ERG: variants seen among roughly 807,000 people sequenced by gnomAD.
The protein encoded by ERG is ETS transcription factor ERG.
In ERG, 9 loss-of-function variants were observed where a neutral mutation model predicts 55.3. That is an observed-to-expected ratio of 0.16 (90% CI 0.10 to 0.28). The LOEUF (loss-of-function observed/expected upper bound fraction) is 0.28. ERG is among the 10% of genes least tolerant of loss of function. The pLI is 1.00. For missense variants in ERG, 434 were observed against 631.6 expected (o/e 0.69, Z 3.35); for synonymous variants, 223 against 237.3 (o/e 0.94, Z 0.55).
intron 9 of ERG, among the ~76,000 whole-genome samples, chr21:38,388,719 C>T (rs917179755): frequency 6.6e-6 from 1 of 152,156 alleles, no homozygotes; most frequent in African/African-American, 2.4e-5. Context: ...GCCATTTTCT[C>T]CAGGCCCATT....
rs147318880 is a variant in ERG at position 38,539,518 on chromosome 21, T to C, written c.-41+36144A>G. The stretch of plus-strand genomic sequence containing the variant: ...TACATGATTCACATCCTATGTTCAC[T>C]GTTCTAGACATATAAATATAACTTT... On this transcript the variant is annotated intron_variant, in intron 2 of 8. Coordinates refer to the ERG transcript ENST00000398897. Among the ~76,000 whole-genome samples the C allele has an allele frequency of 5.7e-3, 869 of 152,354 alleles. 7 individuals are homozygous for C. The highest frequency in any genetic ancestry group is 0.02 in the African/African-American group (823 of 41,574).
intron 2 of ERG, among the ~76,000 whole-genome samples, chr21:38,533,415 G>A (rs556673666): frequency 2.0e-5 from 3 of 152,230 alleles, no homozygotes; most frequent in South Asian, 2.1e-4. Flanking sequence ...CGTACATGCC[G>A]GGAAGGCCTG....
intron 1 of ERG, among the ~76,000 whole-genome samples, chr21:38,457,415 G>A (rs1025668945): frequency 4.1e-5 from 6 of 145,150 alleles, no homozygotes; most frequent in African/African-American, 1.5e-4. Context: ...TGGCCTGGGC[G>A]AAAGAGCAAG....
chr21:38,492,640 C>T (rs1168243872), intron 1 of ERG, among the ~76,000 whole-genome samples: 3 of 152,152 alleles, frequency 2.0e-5, no homozygotes, highest in Non-Finnish European at 4.4e-5. Context: ...ATAAATTATT[C>T]ACACTCAACA....
chr21:38,519,862 A>G (rs997973248), intron 2 of ERG, among the ~76,000 whole-genome samples: 4 of 152,178 alleles, frequency 2.6e-5, no homozygotes, highest in African/African-American at 9.7e-5. Flanking sequence ...CCACACATGT[A>G]GAAGCAGGGA....
At chr21:38,512,070 T>C (rs1161334967) in intron 2 of ERG, among the ~76,000 whole-genome samples, 4 of 152,154 alleles carry the variant, frequency 2.6e-5, no homozygotes, top group Non-Finnish European at 4.4e-5. Context: ...ATGGGATAGA[T>C]TGACCTGAAA....
chr21:38,445,174 C>T (rs1204046430), intron 2 of ERG, among the ~76,000 whole-genome samples: 1 of 141,038 alleles, frequency 7.1e-6, no homozygotes, highest in Non-Finnish European at 1.5e-5. Flanking sequence ...CAGAGTCTTG[C>T]TCTGTCGCCC....
intron 2 of ERG, among the ~76,000 whole-genome samples, chr21:38,529,638 G>A (rs2059657713): frequency 6.6e-6 from 1 of 152,160 alleles, no homozygotes. Context: ...AATATCTAAT[G>A]TTCTGATTTG....
Position 38,382,547 on chromosome 21 carries a change from C to T in ERG, c.*856G>A. On this transcript the variant is annotated 3_prime_UTR_variant, in exon 10 of 10. Transcript: ENST00000288319. Reference sequence around the variant, plus strand: ...TTACGCTGTGTCCTTTCTCCTAACACTGGGTTTGGTATAACACTGACTGCA... The same window carrying T: ...TTACGCTGTGTCCTTTCTCCTAACATTGGGTTTGGTATAACACTGACTGCA... 9.4e-7 allele frequency: 1 copy of T among 1,065,896 alleles called. No homozygotes were observed. Among genetic ancestry groups the T allele is most frequent in the Non-Finnish European group, 1.1e-6 (1 of 879,358 alleles). The allele number at this position is 1,065,896 out of a possible 1,614,324, so 66.0% of individuals were successfully genotyped here.
intron 6 of ERG, among the ~76,000 whole-genome samples, chr21:38,395,731 C>G (rs1322855969): frequency 6.6e-6 from 1 of 152,158 alleles, no homozygotes; most frequent in African/African-American, 2.4e-5. Context: ...GCAACTGTGT[C>G]GATTTCCTGG....
At chr21:38,549,269 C>G (rs1043723837) in intron 2 of ERG, among the ~76,000 whole-genome samples, 3 of 152,116 alleles carry the variant, frequency 2.0e-5, no homozygotes, top group African/African-American at 7.2e-5. Context: ...AATCATCATA[C>G]TAAAGGCATC....
At chr21:38,456,739 C>G (rs2058993414) in intron 1 of ERG, among the ~76,000 whole-genome samples, 5 of 152,180 alleles carry the variant, frequency 3.3e-5, no homozygotes, top group Admixed American at 3.3e-4. Context: ...CTTTCTTCAG[C>G]TTGGTAAGTG....
At chr21:38,520,898 G>A (rs192463284) in intron 2 of ERG, among the ~76,000 whole-genome samples, 7 of 152,236 alleles carry the variant, frequency 4.6e-5, no homozygotes, top group African/African-American at 1.2e-4. Context: ...TATATCAGAC[G>A]TGCTCATAGA....
chr21:38,408,856 T>C (rs1406413263), intron 3 of ERG, among the ~76,000 whole-genome samples: 3 of 152,140 alleles, frequency 2.0e-5, no homozygotes, highest in Non-Finnish European at 4.4e-5. Context: ...AGCCGAGGCA[T>C]CACCTTTGCC....
At chr21:38,476,127 T>A (rs1370633718) in intron 1 of ERG, among the ~76,000 whole-genome samples, 1 of 152,124 alleles carries the variant, frequency 6.6e-6, no homozygotes, top group East Asian at 1.9e-4. Flanking sequence ...TCACAGGTGC[T>A]CCCTGCCACA....
rs373956091 is a variant in ERG at position 38,522,725 on chromosome 21, G to A, written c.-41+52937C>T. Among the ~76,000 whole-genome samples, 17 of 152,154 alleles carry A rather than the reference G, an allele frequency of 1.1e-4. 2 individuals are homozygous for A. The highest frequency in any genetic ancestry group is 9.8e-4 in the Admixed American group (15 of 15,276). On this transcript the variant is annotated intron_variant, in intron 2 of 8. Transcript: ENST00000398897. ...CCAAGGTATTTAACACAGTTCAGTAGAGGTCCTGTCTCATAAATCAATTTC... is the reference window on the plus strand; with the variant it reads ...CCAAGGTATTTAACACAGTTCAGTAAAGGTCCTGTCTCATAAATCAATTTC...
intron 1 of ERG, among the ~76,000 whole-genome samples, chr21:38,660,089 G>GT (rs928789082): frequency 6.6e-6 from 1 of 152,208 alleles, no homozygotes; most frequent in Non-Finnish European, 1.5e-5. Context: ...GTGTTGCGGG[G>GT]TGTGCGGGAA....
chr21:38,432,500 C>T (rs1990261834), intron 2 of ERG, among the ~76,000 whole-genome samples: 1 of 152,198 alleles, frequency 6.6e-6, no homozygotes, highest in African/African-American at 2.4e-5. Context: ...CTTTCCAGGC[C>T]TCAGTTGGTT....
At chr21:38,580,233 G>T (rs534751079) in intron 1 of ERG, among the ~76,000 whole-genome samples, 1 of 152,304 alleles carries the variant, frequency 6.6e-6, no homozygotes, top group South Asian at 2.1e-4. Context: ...GATTACAGGC[G>T]TGAGCCACCA....
Sources: allele counts gnomAD v4.1 joint callset (sites outside exome capture counted in the v4.1 genomes callset), GRCh38; gene constraint gnomAD v4.1.1; transcripts MANE v1.5; gene names NCBI Gene and HGNC (gene_info 2026-07-23, HGNC 2026-07-21).